Variants in PUDP observed in about 807,000 individuals in gnomAD.
The protein encoded by PUDP is pseudouridine-5'-phosphatase.
Under a neutral mutation model 9.4 loss-of-function variants are expected in PUDP, and 8 were observed. The ratio of observed to expected loss-of-function variants is 0.85; its 90% CI spans 0.50 to 1.53. The LOEUF (loss-of-function observed/expected upper bound fraction) is 1.53, where lower values mean the gene tolerates loss of function less well. Among genes scored for constraint, PUDP ranks in the 40% most tolerant of loss-of-function variants. The pLI is 0.00. For synonymous variants in PUDP, 99 were observed against 80.7 expected (o/e 1.23, Z -1.22); for missense variants, 188 against 189.7 (o/e 0.99, Z 0.05).
intron 3 of PUDP, among the ~76,000 whole-genome samples, chrX:6,927,729 C>G (rs766647112): frequency 2.3e-4 from 26 of 111,341 alleles, no homozygotes; most frequent in Non-Finnish European, 4.5e-4. Context: ...AATGAAGGCC[C>G]AACTCCCCAA....
intron 1 of PUDP, among the ~76,000 whole-genome samples, chrX:6,988,784 C>T (rs752017763): frequency 8.3e-4 from 92 of 111,094 alleles, no homozygotes; most frequent in Non-Finnish European, 1.5e-3. Flanking sequence ...GTTAAGATTT[C>T]CTTCATTATC....
chrX:7,096,912 C>G (rs191890779), intron 2 of PUDP, among the ~76,000 whole-genome samples: 1 of 110,700 alleles, frequency 9.0e-6, no homozygotes, highest in African/African-American at 3.3e-5. Context: ...TAAGATCATC[C>G]TTTCATTCCT....
At chrX:7,142,012 C>T (rs1186427607) in intron 1 of PUDP, among the ~76,000 whole-genome samples, 2 of 112,193 alleles carry the variant, frequency 1.8e-5, no homozygotes, top group Non-Finnish European at 3.8e-5. Flanking sequence ...CCACTGACAA[C>T]GTACCTGGTC....
chrX:6,991,676 CAA>C (rs5901333), intron 1 of PUDP, among the ~76,000 whole-genome samples: 1 of 85,731 alleles, frequency 1.2e-5, no homozygotes. Flanking sequence ...GACCTTGTCT[CAA>C]AAAAAAAAAA....
chrX:6,979,128 TTTG>T (rs1419031742), intron 1 of PUDP, among the ~76,000 whole-genome samples: 1 of 112,397 alleles, frequency 8.9e-6, no homozygotes, highest in Non-Finnish European at 1.9e-5. Flanking sequence ...AATGTCATAA[TTTG>T]TTATGTCGCG....
chrX:6,817,344 A>T (rs1926268474), intron 3 of PUDP, among the ~76,000 whole-genome samples: 1 of 111,361 alleles, frequency 9.0e-6, no homozygotes, highest in Admixed American at 9.7e-5. Context: ...AAGTGCTGGG[A>T]TTACAGGCAC....
chrX:6,964,762 G>A (rs1020583324), intron 3 of PUDP, among the ~76,000 whole-genome samples: 2 of 111,305 alleles, frequency 1.8e-5, no homozygotes, highest in Non-Finnish European at 3.8e-5. Flanking sequence ...TGTTCATGCC[G>A]CCATGGATTA....
intron 3 of PUDP, among the ~76,000 whole-genome samples, chrX:6,921,897 C>G (rs969659743): frequency 9.0e-6 from 1 of 111,537 alleles, no homozygotes; most frequent in East Asian, 2.8e-4. Flanking sequence ...CCTACTTCCC[C>G]GGGCTCATCT....
At chrX:7,033,854 G>A (rs1569143087) in intron 1 of PUDP, among the ~76,000 whole-genome samples, 1 of 112,034 alleles carries the variant, frequency 8.9e-6, no homozygotes, top group East Asian at 2.8e-4. Context: ...ATATTGGGGT[G>A]TGACCAGTAG....
chrX:6,776,949 C>G (rs912290478), intron 3 of PUDP, among the ~76,000 whole-genome samples: 1 of 112,234 alleles, frequency 8.9e-6, no homozygotes, highest in African/African-American at 3.2e-5. Context: ...TCATAATTAC[C>G]AAATTACAGC....
chrX:6,952,272 T>C (rs1244029301), intron 3 of PUDP, among the ~76,000 whole-genome samples: 1 of 112,169 alleles, frequency 8.9e-6, no homozygotes, highest in Non-Finnish European at 1.9e-5. Context: ...AAAATTTCTA[T>C]TTTGAAATAA....
intron 3 of PUDP, among the ~76,000 whole-genome samples, chrX:6,814,046 C>T (rs1926187491): frequency 9.0e-6 from 1 of 110,722 alleles, no homozygotes; most frequent in Non-Finnish European, 1.9e-5. Flanking sequence ...AGCTCCAAGA[C>T]ACACGTTTCC....
intron 3 of PUDP, among the ~76,000 whole-genome samples, chrX:6,894,728 T>C (rs1235050000): frequency 9.0e-6 from 1 of 111,172 alleles, no homozygotes; most frequent in Non-Finnish European, 1.9e-5. Flanking sequence ...GGGGGTTGGT[T>C]TTGATCTCTC....
At chrX:6,889,675 CTTCT>C (rs960167352) in intron 3 of PUDP, among the ~76,000 whole-genome samples, 2 of 111,675 alleles carry the variant, frequency 1.8e-5, no homozygotes, top group East Asian at 2.8e-4. Context: ...TCCTTTCTGT[CTTCT>C]TTGTTTTACC....
At chrX:6,890,917 G>C (rs920615680) in intron 3 of PUDP, among the ~76,000 whole-genome samples, 4 of 77,329 alleles carry the variant, frequency 5.2e-5, no homozygotes, top group Admixed American at 1.8e-4. Context: ...TGGGGCACAT[G>C]ATGAGGCCTC....
Position 7,117,586 on chromosome X carries a change from T to C in PUDP, c.62-11748A>G, listed in dbSNP as rs189293850. On this transcript the variant is annotated intron_variant, in intron 1 of 3. Coordinates refer to ENST00000381077, the MANE Select transcript of PUDP (RefSeq NM_012080.5). ...AGAAATGACAAAGTTGGAAGTTATA[T>C]TTAAAGGGAAGGTAGAGCAAAAAAG... 1.2e-4 allele frequency among the ~76,000 whole-genome samples: 13 copies of C among 112,741 alleles called. No individual in the cohort carries two copies. The East Asian group carries it at 2.8e-3, about 24-fold the overall frequency.
intron 3 of PUDP, among the ~76,000 whole-genome samples, chrX:6,909,099 G>T (rs1019917942): frequency 9.0e-6 from 1 of 111,529 alleles, no homozygotes; most frequent in African/African-American, 3.3e-5. Flanking sequence ...TAGACTGAAG[G>T]CATACAGATA....
intron 3 of PUDP, among the ~76,000 whole-genome samples, chrX:6,840,010 C>T (rs1295463275): frequency 8.1e-5 from 9 of 110,772 alleles, no homozygotes; most frequent in South Asian, 4.0e-4. Context: ...TATGGTTTGG[C>T]TGTGTCCCCA....
chrX:6,738,208 G>T (rs1476974092), intron 3 of PUDP, among the ~76,000 whole-genome samples: 3 of 111,542 alleles, frequency 2.7e-5, no homozygotes, highest in Non-Finnish European at 5.6e-5. Flanking sequence ...AGAGTTCTTA[G>T]ACACTCAGAA....
Sources: gnomAD v4.1 joint callset for allele counts (sites outside exome capture counted in the v4.1 genomes callset) on GRCh38, gnomAD v4.1.1 for gene constraint, MANE v1.5 for transcripts, NCBI Gene and HGNC (gene_info 2026-07-23, HGNC 2026-07-21) for gene names.